Variants in LRRC28 observed in about 807,000 individuals in gnomAD.
LRRC28 encodes the protein leucine rich repeat containing 28.
LRRC28 carries 39 observed loss-of-function variants against 45.7 expected under a neutral mutation model. That is an observed-to-expected ratio of 0.85 (90% CI 0.66 to 1.12). The LOEUF (loss-of-function observed/expected upper bound fraction) is 1.12. Among genes scored for constraint, LRRC28 ranks in the 50% most tolerant of loss-of-function variants. LRRC28 has a pLI of 0.00. For missense variants in LRRC28, 435 were observed against 438.5 expected (o/e 0.99, Z 0.07); for synonymous variants, 206 against 178.8 (o/e 1.15, Z -1.22).
At position 99,293,593 on chromosome 15, in the gene LRRC28, CAAAAAAAAAAAAAAAAAAAAAAAAAA is replaced by C. The variant is rs57442636; in HGVS notation, c.385+5657_385+5682del. On this transcript the variant is annotated intron_variant, in intron 5 of 9. Coordinates refer to ENST00000301981, the MANE Select transcript of LRRC28 (RefSeq NM_144598.5). ...GGGCAACAAGAACGAAACTCTGTCA[CAAAAAAAAAAAAAAAAAAAAAAAAAA>C]AAAAAAAAAAAAAACCTAAACAATA... Among the ~76,000 whole-genome samples, 10 of 44,080 alleles carry C rather than the reference CAAAAAAAAAAAAAAAAAAAAAAAAAA, an allele frequency of 2.3e-4. No individual in the cohort carries two copies. In the South Asian group the frequency reaches 9.2e-3, roughly 41 times the overall value. 28.9% of individuals were successfully genotyped at this position (44,080 alleles called of 152,430 possible). A position where few individuals can be genotyped will look rare whatever the true frequency, so the allele number is the denominator to read the frequency against.
At chr15:99,356,122 C>T (rs966104217) in intron 7 of LRRC28, among the ~76,000 whole-genome samples, 2 of 152,106 alleles carry the variant, frequency 1.3e-5, no homozygotes, top group African/African-American at 4.8e-5. Flanking sequence ...TAAGTGTTAG[C>T]GGAATATAAG....
intron 5 of LRRC28, chr15:99,331,936 C>A (rs1956172401): frequency 6.6e-6 from 1 of 152,240 alleles, no homozygotes; most frequent in African/African-American, 2.4e-5. Context: ...ATAACCTTCT[C>A]TGAGCTCCTC....
intron 9 of LRRC28, among the ~76,000 whole-genome samples, chr15:99,370,050 C>CTTAATATGATAAGTT (rs1957441279): frequency 6.6e-6 from 1 of 152,188 alleles, no homozygotes; most frequent in African/African-American, 2.4e-5. Context: ...TAAGTTGAAT[C>CTTAATATGATAAGTT]ATACAAGTCA....
At chr15:99,335,214 C>T (rs1422341247) in intron 6 of LRRC28, among the ~76,000 whole-genome samples, 3 of 151,998 alleles carry the variant, frequency 2.0e-5, no homozygotes, top group Non-Finnish European at 2.9e-5. Context: ...GGTCATAGAC[C>T]GATTATGGTG....
intron 6 of LRRC28, among the ~76,000 whole-genome samples, chr15:99,345,115 C>T (rs1956637820): frequency 6.6e-6 from 1 of 152,112 alleles, no homozygotes; most frequent in Non-Finnish European, 1.5e-5. Flanking sequence ...AACCTGAGGA[C>T]AGCTTTATTT....
intron 9 of LRRC28, 160 bp downstream of exon 9, chr15:99,363,425 C>T: frequency 1.4e-6 from 1 of 707,810 alleles, no homozygotes; most frequent in Non-Finnish European, 2.2e-6. Flanking sequence ...CTTTCAACAT[C>T]ACAAGAAAAC....
chr15:99,255,610 T>C (rs2152120691), intron 1 of LRRC28, among the ~76,000 whole-genome samples: 1 of 152,290 alleles, frequency 6.6e-6, no homozygotes, highest in Admixed American at 6.5e-5. Flanking sequence ...GTCACTGTTT[T>C]TCTTACACAA....
At chr15:99,316,757 A>G (rs1271212862) in intron 5 of LRRC28, among the ~76,000 whole-genome samples, 1 of 152,076 alleles carries the variant, frequency 6.6e-6, no homozygotes, top group Non-Finnish European at 1.5e-5. Flanking sequence ...CTTCAGGAGA[A>G]CTACAAGAAT....
intron 5 of LRRC28, among the ~76,000 whole-genome samples, chr15:99,298,127 C>T (rs369207090): frequency 3.9e-5 from 6 of 152,118 alleles, no homozygotes; most frequent in South Asian, 2.1e-4. Flanking sequence ...GCTTACTGCA[C>T]GTTGAGCTCC....
At chr15:99,281,466 T>TA (rs1318617328) in intron 3 of LRRC28, among the ~76,000 whole-genome samples, 1 of 151,132 alleles carries the variant, frequency 6.6e-6, no homozygotes, top group Admixed American at 6.6e-5. Flanking sequence ...TTCTTTATCT[T>TA]ACAGTTCTTA....
At chr15:99,303,038 G>A (rs200764053) in intron 5 of LRRC28, among the ~76,000 whole-genome samples, 2 of 152,320 alleles carry the variant, frequency 1.3e-5, no homozygotes, top group East Asian at 3.9e-4. Flanking sequence ...ATTGCTGGAT[G>A]TATTTTTAAC....
chr15:99,253,532 A>C (rs1303506344), intron 1 of LRRC28, among the ~76,000 whole-genome samples: 1 of 152,236 alleles, frequency 6.6e-6, no homozygotes, highest in East Asian at 1.9e-4. Context: ...GGATTGGAAA[A>C]GCCCAGAAGC....
At chr15:99,318,813 A>G (rs1955689742) in intron 5 of LRRC28, among the ~76,000 whole-genome samples, 1 of 151,960 alleles carries the variant, frequency 6.6e-6, no homozygotes, top group African/African-American at 2.4e-5. Context: ...TTTTTTTTAA[A>G]CTAGATAATT....
chr15:99,253,269 C>T (rs1362492516), intron 1 of LRRC28, among the ~76,000 whole-genome samples: 3 of 151,978 alleles, frequency 2.0e-5, no homozygotes, highest in Admixed American at 6.6e-5. Flanking sequence ...TACAGGCGCC[C>T]GCCACCAAAC....
At chr15:99,308,811 C>T (rs1955290139) in intron 5 of LRRC28, among the ~76,000 whole-genome samples, 2 of 152,350 alleles carry the variant, frequency 1.3e-5, no homozygotes, top group South Asian at 4.1e-4. Context: ...GATCAGCAGT[C>T]TAAGCACAGC....
chr15:99,278,073 T>G (rs1468341933), intron 3 of LRRC28, among the ~76,000 whole-genome samples: 1 of 152,206 alleles, frequency 6.6e-6, no homozygotes, highest in Non-Finnish European at 1.5e-5. Context: ...TCATGATAGA[T>G]TCTCTATAGA....
chr15:99,307,144 G>GAA (rs1955215110), intron 5 of LRRC28, among the ~76,000 whole-genome samples: 2 of 151,620 alleles, frequency 1.3e-5, no homozygotes, highest in East Asian at 4.0e-4. Flanking sequence ...GAGAGAGAGA[G>GAA]TTTATCTCAT....
chr15:99,352,593 G>A (rs1956919884), intron 7 of LRRC28, 122 bp downstream of exon 7: 1 of 697,758 alleles, frequency 1.4e-6, no homozygotes, highest in Non-Finnish European at 2.4e-6. Flanking sequence ...TAAGGATATT[G>A]GGCAGGCAGT....
chr15:99,381,021 C>T (rs1280361649), intron 9 of LRRC28, among the ~76,000 whole-genome samples: 1 of 152,142 alleles, frequency 6.6e-6, no homozygotes, highest in Non-Finnish European at 1.5e-5. Context: ...TGGAGTTGCT[C>T]TTCTCGAGGA....
Sources: allele counts gnomAD v4.1 joint callset (sites outside exome capture counted in the v4.1 genomes callset), GRCh38; gene constraint gnomAD v4.1.1; transcripts MANE v1.5; gene names NCBI Gene and HGNC (gene_info 2026-07-23, HGNC 2026-07-21).